RUNDC3A: variants seen among roughly 807,000 people sequenced by gnomAD.
RUNDC3A encodes RUN domain-containing protein 3A.
In RUNDC3A, 28 loss-of-function variants were observed where a neutral mutation model predicts 53.9. The observed-to-expected ratio is 0.52, with a 90% confidence interval of 0.38 to 0.71. The LOEUF (loss-of-function observed/expected upper bound fraction) is 0.71, where lower values mean the gene tolerates loss of function less well. Ranked by LOEUF, RUNDC3A falls within the 30% of genes least tolerant of loss-of-function variation. The pLI is 0.00. For synonymous variants in RUNDC3A, 232 were observed against 249.4 expected (o/e 0.93, Z 0.66); for missense variants, 491 against 597.3 (o/e 0.82, Z 1.85).
intron 4 of RUNDC3A, 175 bp downstream of exon 4, chr17:44,313,678 C>CTTTT (rs1173378367): frequency 6.6e-5 from 71 of 1,082,174 alleles, no homozygotes; most frequent in South Asian, 2.7e-4. Context: ...AGGACGAACT[C>CTTTT]TTTTTTTTTT....
At chr17:44,317,483 A>T in intron 10 of RUNDC3A, 5 of 780,858 alleles carry the variant, frequency 6.4e-6, no homozygotes, top group Non-Finnish European at 1.2e-5. Context: ...TTTGGCTGCC[A>T]GGAAGCTCAG....
intron 4 of RUNDC3A, 45 bp from the exon 5 acceptor site, chr17:44,314,690 G>GGGGC: frequency 8.6e-7 from 1 of 1,165,838 alleles, no homozygotes. Flanking sequence ...GGGGGGGGGC[G>GGGGC]CTCCAGGGGC....
chr17:44,314,434 C>T, intron 4 of RUNDC3A: 1 of 1,296,700 alleles, frequency 7.7e-7, no homozygotes, highest in Non-Finnish European at 9.8e-7. Flanking sequence ...TACTGTATAC[C>T]AAGCACTAAT....
chr17:44,314,655 A>G lies in RUNDC3A; in HGVS notation c.459-80A>G. On this transcript the variant is annotated intron_variant, in intron 4 of 10. Coordinates refer to ENST00000426726, the MANE Select transcript of RUNDC3A (RefSeq NM_001144825.2). ...CCTTCCTTCAGGATGGGGTGGCAGT[A>G]AGCCAACAATAGCAGCTCTGGGGGG... The G allele has an allele frequency of 2.6e-6, 3 of 1,141,694 alleles. No individual in the cohort carries two copies. The South Asian group carries it at 3.8e-5, about 15-fold the overall frequency. 70.7% of individuals were successfully genotyped at this position (1,141,694 alleles called of 1,614,324 possible).
intron 4 of RUNDC3A, chr17:44,314,499 G>A (rs1006900060): frequency 7.1e-7 from 1 of 1,411,278 alleles, no homozygotes; most frequent in East Asian, 2.6e-5. Context: ...ACTTGATGAG[G>A]AAGGGGTAGC....
In RUNDC3A at chr17:44,313,497, C is replaced by T. The variant is rs1439985223; in HGVS notation, c.452C>T (p.Thr151Ile). The T allele has an allele frequency of 2.5e-6, 4 of 1,608,336 alleles. No homozygotes were observed. Among genetic ancestry groups the T allele is most frequent in the Non-Finnish European group, 2.6e-6 (3 of 1,175,394 alleles). Residue 151 changes from threonine (T) to isoleucine (I), a missense_variant, in exon 4 of 11, where the codon ACC becomes ATC. Around this residue, in one of 2 missense-constraint regions of RUNDC3A, gnomAD observed 273 missense variants for 389.0 expected, o/e 0.70. Coordinates refer to ENST00000426726, the MANE Select transcript of RUNDC3A (RefSeq NM_001144825.2). ...ACCACGGCTCTGCGTGACACCCGGA[C>T]CACCAGGTCAGACTTCCCAGGCAAC... ...YITTALRDTRTTRRFYDSGAI... is the reference protein window; with the variant it reads ...YITTALRDTRITRRFYDSGAI...
At chr17:44,312,462 C>T in intron 1 of RUNDC3A, 118 bp from the exon 2 acceptor site, 1 of 646,636 alleles carries the variant, frequency 1.5e-6, no homozygotes, top group Non-Finnish European at 2.8e-6. Flanking sequence ...CTCTGCCCCC[C>T]ACCACATCCA....
Position 44,318,564 on chromosome 17 carries a change from C to G in RUNDC3A, c.*326C>G, listed in dbSNP as rs2047922079. On this transcript the variant is annotated 3_prime_UTR_variant, in exon 11 of 11. Transcript: ENST00000426726. ...AGGAACTGGTGGCCCAGCTTCCACA[C>G]CCCCACCTCCCAGTCTCTAGCCTCT... The G allele has an allele frequency of 6.2e-6, 2 of 324,728 alleles. No individual in the cohort carries two copies. Among genetic ancestry groups the G allele is most frequent in the Non-Finnish European group, 1.2e-5 (2 of 171,042 alleles). The allele number at this position is 324,728 out of a possible 1,614,324, so 20.1% of individuals were successfully genotyped here.
At position 44,313,505 on chromosome 17, in the gene RUNDC3A, T is replaced by C; in HGVS notation, c.458+2T>C. On this transcript the variant is annotated splice_donor_variant, in intron 4 of 10. Transcript: ENST00000426726. LOFTEE classifies it high-confidence loss of function. Reference sequence around the variant, plus strand: ...TCTGCGTGACACCCGGACCACCAGGTCAGACTTCCCAGGCAACTCAGACCA... The same window carrying C: ...TCTGCGTGACACCCGGACCACCAGGCCAGACTTCCCAGGCAACTCAGACCA... 1 of 1,607,048 alleles carries C rather than the reference T, an allele frequency of 6.2e-7. No individual in the cohort carries two copies. Among genetic ancestry groups the C allele is most frequent in the Non-Finnish European group, 8.5e-7 (1 of 1,174,360 alleles).
chr17:44,317,339 G>T lies in RUNDC3A; in HGVS notation c.1198+614G>T, dbSNP rs2047887647. On this transcript the variant is annotated intron_variant, in intron 10 of 10. Coordinates refer to ENST00000426726, the MANE Select transcript of RUNDC3A (RefSeq NM_001144825.2). ...TGATAATCACCAATGTTGTCACATG[G>T]TGAGGGCTCAGTGGTTTTTTAGTGT... The T allele has an allele frequency of 4.3e-6, 3 of 703,770 alleles. No homozygotes were observed. The Admixed American group carries it at 6.1e-5, about 14-fold the overall frequency. 43.6% of individuals were successfully genotyped at this position (703,770 alleles called of 1,614,324 possible).
intron 10 of RUNDC3A, chr17:44,317,590 C>T (rs372388388): frequency 1.3e-6 from 1 of 778,440 alleles, no homozygotes. Context: ...TTTTTCCCAT[C>T]CTAGTTCTCC....
At chr17:44,312,476 C>T in intron 1 of RUNDC3A, 104 bp from the exon 2 acceptor site, 1 of 673,192 alleles carries the variant, frequency 1.5e-6, no homozygotes, top group Non-Finnish European at 2.7e-6. Context: ...ACATCCATGC[C>T]CTTCCTGACC....
chr17:44,311,951 G>A (rs905487027), intron 1 of RUNDC3A, among the ~76,000 whole-genome samples: 8 of 152,286 alleles, frequency 5.3e-5, no homozygotes, highest in African/African-American at 1.9e-4. Context: ...GCACTGCCTG[G>A]TTCTGGGCAG....
At position 44,318,136 on chromosome 17, in the gene RUNDC3A, C is replaced by T; in HGVS notation, c.1239C>T (p.Ser413=). 1 of 1,551,580 alleles carries T rather than the reference C, an allele frequency of 6.4e-7. No homozygotes were observed. The highest frequency in any genetic ancestry group is 8.7e-7 in the Non-Finnish European group (1 of 1,146,992). ...PTPSMLGLCG[S]LASIPSCKSL... ...CCTCCATGCTGGGCCTCTGCGGCTC[C>T]CTGGCCTCCATTCCCAGCTGCAAGT... The change falls in exon 11 of 11, where the codon TCC becomes TCT. Residue 413 remains serine, a synonymous_variant. Coordinates refer to ENST00000426726, the MANE Select transcript of RUNDC3A (RefSeq NM_001144825.2).
At chr17:44,312,782 C>T in intron 2 of RUNDC3A, 87 bp downstream of exon 2, 3 of 534,874 alleles carry the variant, frequency 5.6e-6, no homozygotes, top group Non-Finnish European at 6.6e-6. Flanking sequence ...CCCCAGCGGT[C>T]CCTCCCCAAC....
At chr17:44,313,316 G>A (rs1186208402) in intron 3 of RUNDC3A, 64 bp downstream of exon 3, 3 of 1,607,436 alleles carry the variant, frequency 1.9e-6, no homozygotes, top group Non-Finnish European at 2.6e-6. Flanking sequence ...CTGTTTCTTG[G>A]TTTTTGCCCC....
intron 10 of RUNDC3A, 74 bp downstream of exon 10, chr17:44,316,799 G>T: frequency 1.7e-5 from 12 of 717,888 alleles, no homozygotes; most frequent in Middle Eastern, 4.1e-4. Context: ...CTCAAGGCAT[G>T]TCCTCATTCA....
chr17:44,318,121 G>A lies in RUNDC3A; in HGVS notation c.1224G>A (p.Leu408=), dbSNP rs1350242476. 3 of 1,551,326 alleles carry A rather than the reference G, an allele frequency of 1.9e-6. No homozygotes were observed. The highest frequency in any genetic ancestry group is 2.6e-6 in the Non-Finnish European group (3 of 1,146,914). Residue 408 remains leucine (L), a synonymous_variant, in exon 11 of 11, where the codon CTG becomes CTA. Transcript: ENST00000426726. ...GGAAGGACCCCACGCCCTCCATGCT[G>A]GGCCTCTGCGGCTCCCTGGCCTCCA... is the stretch of plus-strand genomic sequence containing the variant. ...PIGKDPTPSM[L]GLCGSLASIP... is the part of the protein sequence containing the mutation.
chr17:44,316,655 A>G lies in RUNDC3A; in HGVS notation c.1128A>G (p.Glu376=), dbSNP rs1273072440. The G allele has an allele frequency of 1.0e-5, 16 of 1,550,780 alleles. No homozygotes were observed. The highest frequency in any genetic ancestry group is 1.3e-5 in the Non-Finnish European group (15 of 1,146,996). Residue 376 remains glutamate (E), a synonymous_variant, in exon 10 of 11, where the codon GAA becomes GAG. Transcript: ENST00000426726. ...SFMSTEPLSA[E]ASLSSDSQRL... ...TGAGCACGGAGCCGCTGTCAGCTGAAGCCAGTCTGAGCTCGGACTCCCAGC... is the reference window on the plus strand; with the variant it reads ...TGAGCACGGAGCCGCTGTCAGCTGAGGCCAGTCTGAGCTCGGACTCCCAGC...
Sources: gnomAD v4.1 joint callset for allele counts (sites outside exome capture counted in the v4.1 genomes callset) on GRCh38, gnomAD v4.1.1 for gene constraint, gnomAD v4.1.1 regional missense constraint, MANE v1.5 for transcripts, NCBI Gene and HGNC (gene_info 2026-07-23, HGNC 2026-07-21) for gene names.